FAM135A: variants seen among roughly 807,000 people sequenced by gnomAD.
The protein encoded by FAM135A is family with sequence similarity 135 member A.
Under a neutral mutation model 146.8 loss-of-function variants are expected in FAM135A, and 79 were observed. The observed-to-expected ratio is 0.54, with a 90% CI of 0.45 to 0.65. FAM135A has a LOEUF of 0.65. Ranked by LOEUF, FAM135A falls within the 30% of genes least tolerant of loss-of-function variation. The pLI, the probability that FAM135A is intolerant of heterozygous loss-of-function variation, is 0.00. For synonymous variants in FAM135A, 562 were observed against 603.6 expected (o/e 0.93, Z 1.01); for missense variants, 1,623 against 1,758.2 (o/e 0.92, Z 1.38).
chr6:70,533,403 A>G (rs181211091), intron 17 of FAM135A, 152 bp downstream of exon 17: 3 of 605,058 alleles, frequency 5.0e-6, no homozygotes, highest in Non-Finnish European at 8.7e-6. Context: ...GGAAATATAT[A>G]TGATTTACAT....
chr6:70,428,680 G>C (rs137925216), intron 4 of FAM135A, among the ~76,000 whole-genome samples: 182 of 152,100 alleles, frequency 1.2e-3, no homozygotes, highest in African/African-American at 4.1e-3. Flanking sequence ...AATGTATAAG[G>C]TCTAATTTTT....
In FAM135A at chr6:70,525,741, A is replaced by T. The variant is rs775137725; in HGVS notation, c.2657A>T (p.Lys886Ile). 6.2e-7 allele frequency: 1 copy of T among 1,613,360 alleles called. No homozygotes were observed. The highest frequency in any genetic ancestry group is 1.7e-5 in the Admixed American group (1 of 59,974). The change falls in exon 15 of 22, where the codon AAA (lysine) becomes ATA (isoleucine). Residue 886 changes from lysine to isoleucine, a missense_variant. This residue lies in a region of FAM135A where 1,061 missense variants were observed against 1,113.8 expected (regional missense o/e 0.95). Transcript: ENST00000418814. ...TTDLPKCDDT[K>I]KSSITLQQQS... is the part of the protein sequence containing the mutation. ...GATTTGCCAAAATGTGATGATACTA[A>T]AAAGTCAAGTATCACTTTGCAACAG...
At chr6:70,495,991 T>G (rs1470132284) in intron 11 of FAM135A, among the ~76,000 whole-genome samples, 1 of 152,208 alleles carries the variant, frequency 6.6e-6, no homozygotes, top group African/African-American at 2.4e-5. Flanking sequence ...GGCTGCATAG[T>G]ATTCCATGGT....
intron 5 of FAM135A, 42 bp from the exon 6 acceptor site, chr6:70,475,368 A>G: frequency 6.8e-7 from 1 of 1,476,332 alleles, no homozygotes; most frequent in Non-Finnish European, 9.1e-7. Flanking sequence ...CTTGTGTTAT[A>G]TTTTACTTTT....
chr6:70,556,802 T>TATAG lies in FAM135A; in HGVS notation c.4281_4282insATAG (p.Val1428IlefsTer10), dbSNP rs1300012767. ...TAGTGGGATCCCTACAGGATCGCTA[T>TATAG]GTTCCTTATCACTCTGCCCGCATTG... On this transcript the variant is annotated frameshift_variant, in exon 21 of 22. Transcript: ENST00000418814. LOFTEE classifies it high-confidence loss of function. The TATAG allele has an allele frequency of 6.2e-7, 1 of 1,613,968 alleles. No homozygotes were observed. Among genetic ancestry groups the TATAG allele is most frequent in the African/African-American group, 1.3e-5 (1 of 74,956 alleles).
At chr6:70,422,824 A>G (rs185173173) in intron 2 of FAM135A, among the ~76,000 whole-genome samples, 209 of 152,312 alleles carry the variant, frequency 1.4e-3, no homozygotes, top group African/African-American at 4.5e-3. Flanking sequence ...GTGCCAGACA[A>G]TAGGAATATA....
intron 11 of FAM135A, among the ~76,000 whole-genome samples, chr6:70,492,714 A>G (rs1346882793): frequency 6.6e-6 from 1 of 151,584 alleles, no homozygotes; most frequent in Non-Finnish European, 1.5e-5. Flanking sequence ...TTCTTAGCAG[A>G]ATAATTTAGC....
chr6:70,502,556 A>T (rs1788794349), intron 11 of FAM135A, 80 bp from the exon 12 acceptor site: 3 of 1,427,480 alleles, frequency 2.1e-6, no homozygotes, highest in Non-Finnish European at 1.9e-6. Context: ...CCTTTGTATT[A>T]ATATTCTCAA....
At chr6:70,435,079 GTGTATA>G (rs374279415) in intron 4 of FAM135A, among the ~76,000 whole-genome samples, 12,243 of 88,502 alleles carry the variant, frequency 0.14, 597 homozygotes, top group Admixed American at 0.16. Flanking sequence ...GTGTGTGTGT[GTGTATA>G]TATATATATA....
intron 3 of FAM135A, among the ~76,000 whole-genome samples, chr6:70,427,324 G>A (rs918199034): frequency 6.6e-6 from 1 of 152,092 alleles, no homozygotes; most frequent in Non-Finnish European, 1.5e-5. Flanking sequence ...TTGAGGCCAG[G>A]AGTTCAAGAC....
At chr6:70,456,723 T>C (rs2128070444) in intron 5 of FAM135A, among the ~76,000 whole-genome samples, 1 of 152,366 alleles carries the variant, frequency 6.6e-6, no homozygotes, top group Non-Finnish European at 1.5e-5. Flanking sequence ...CTTTTAGTAG[T>C]AAGTTACCTT....
chr6:70,504,478 G>A (rs942443590), intron 12 of FAM135A: 1 of 152,154 alleles, frequency 6.6e-6, no homozygotes, highest in East Asian at 1.9e-4. Context: ...CTAAGAGAAA[G>A]GCCAGACATG....
chr6:70,503,687 T>C (rs1019753514), intron 12 of FAM135A: 2 of 152,298 alleles, frequency 1.3e-5, no homozygotes, highest in African/African-American at 4.8e-5. Flanking sequence ...ATCACCTATG[T>C]ATGCACACTA....
At position 70,464,658 on chromosome 6, in the gene FAM135A, C is replaced by CTTTTTTTTTTTTTTTTTTTTT. The variant is rs754818109; in HGVS notation, c.158-10744_158-10743insTTTTTTTTTTTTTTTTTTTTT. On this transcript the variant is annotated intron_variant, in intron 5 of 21. Coordinates refer to ENST00000418814, the MANE Select transcript of FAM135A (RefSeq NM_001162529.3). Reference sequence around the variant, plus strand: ...TTTAAATTTCTTTCTTTCTTTCTTTCTTTTTTTTCTTTTTTTTTTTTTTTT... The same window carrying CTTTTTTTTTTTTTTTTTTTTT: ...TTTAAATTTCTTTCTTTCTTTCTTTCTTTTTTTTTTTTTTTTTTTTTTTTTTTTTCTTTTTTTTTTTTTTTT... Among the ~76,000 whole-genome samples, 27 of 100,420 alleles carry CTTTTTTTTTTTTTTTTTTTTT rather than the reference C, an allele frequency of 2.7e-4. 3 individuals are homozygous for CTTTTTTTTTTTTTTTTTTTTT. The highest frequency in any genetic ancestry group is 9.0e-4 in the African/African-American group (24 of 26,684). 65.9% of individuals were successfully genotyped at this position (100,420 alleles called of 152,430 possible).
At chr6:70,504,458 T>C (rs1161882646) in intron 12 of FAM135A, 2 of 152,192 alleles carry the variant, frequency 1.3e-5, no homozygotes, top group African/African-American at 4.8e-5. Flanking sequence ...AATTTTAGAA[T>C]AGAAGGAAAC....
intron 20 of FAM135A, among the ~76,000 whole-genome samples, chr6:70,545,743 A>G (rs1376675103): frequency 6.6e-6 from 1 of 152,248 alleles, no homozygotes; most frequent in Non-Finnish European, 1.5e-5. Flanking sequence ...ATTTAAACAC[A>G]TACATATTAG....
rs71538422 is a variant in FAM135A at position 70,526,766 on chromosome 6, T to TACACACAC, written c.3614+98_3614+105dup. 669 of 452,644 alleles carry TACACACAC rather than the reference T, an allele frequency of 1.5e-3. 3 individuals carry two copies. The highest frequency in any genetic ancestry group is 0.014 in the African/African-American group (567 of 40,248). The allele number at this position is 452,644 out of a possible 1,614,324, so 28.0% of individuals were successfully genotyped here. On this transcript the variant is annotated intron_variant, in intron 15 of 21. Coordinates refer to ENST00000418814, the MANE Select transcript of FAM135A (RefSeq NM_001162529.3). ...ATATATATATACACACACACACACATACACACACACACACACACACACACA... is the reference window on the plus strand; with the variant it reads ...ATATATATATACACACACACACACATACACACACACACACACACACACACACACACACA...
intron 12 of FAM135A, among the ~76,000 whole-genome samples, chr6:70,507,955 A>G (rs751132800): frequency 1.3e-5 from 2 of 152,132 alleles, no homozygotes; most frequent in Non-Finnish European, 2.9e-5. Context: ...CATGCTAACA[A>G]GTTAGCCTAC....
chr6:70,489,969 G>A (rs1167801198), intron 10 of FAM135A, among the ~76,000 whole-genome samples: 1 of 152,030 alleles, frequency 6.6e-6, no homozygotes, highest in Non-Finnish European at 1.5e-5. Context: ...GGACTTCTTT[G>A]CCCAGAGGCT....
Sources: allele counts gnomAD v4.1 joint callset (sites outside exome capture counted in the v4.1 genomes callset), GRCh38; gene constraint gnomAD v4.1.1; regional missense constraint gnomAD v4.1.1; transcripts MANE v1.5; gene names NCBI Gene and HGNC (gene_info 2026-07-23, HGNC 2026-07-21).